The following CDH13 variants were observed in gnomAD, a reference collection of about 807,000 sequenced individuals.
The protein encoded by CDH13 is cadherin 13, also known as cadherin-13.
CDH13 carries 24 observed loss-of-function variants against 63.8 expected under a neutral mutation model. The observed-to-expected ratio is 0.38, with a 90% CI of 0.27 to 0.53. The LOEUF (loss-of-function observed/expected upper bound fraction) is 0.53, where lower values mean the gene tolerates loss of function less well. Among genes scored for constraint, CDH13 ranks in the 20% least tolerant of loss-of-function variants. The pLI is 0.85. For synonymous variants in CDH13, 503 were observed against 355.3 expected, an observed-to-expected ratio of 1.42 and a Z score of -4.67; for missense variants, 1,049 against 903.1, an observed-to-expected ratio of 1.16 and a Z score of -2.07.
intron 3 of CDH13, among the ~76,000 whole-genome samples, chr16:83,118,161 G>C: frequency 6.6e-6 from 1 of 152,248 alleles, no homozygotes; most frequent in East Asian, 1.9e-4. Context: ...CTGCTGTGGG[G>C]GGAATCCCAC....
At chr16:83,028,462 C>T (rs1413403856) in intron 2 of CDH13, among the ~76,000 whole-genome samples, 2 of 152,144 alleles carry the variant, frequency 1.3e-5, no homozygotes, top group Non-Finnish European at 2.9e-5. Flanking sequence ...GCGTGCAGTG[C>T]TCTTCAGGAC....
intron 3 of CDH13, among the ~76,000 whole-genome samples, chr16:83,056,062 C>G (rs72796222): frequency 0.04 from 6,143 of 152,136 alleles, 180 homozygotes; most frequent in Non-Finnish European, 0.059. Context: ...AGGCTTTTAA[C>G]AAAAGAGGAT....
chr16:83,454,684 C>A (rs926176535), intron 6 of CDH13, among the ~76,000 whole-genome samples: 1 of 150,224 alleles, frequency 6.7e-6, no homozygotes, highest in Non-Finnish European at 1.5e-5. Context: ...TTTTAAGAAA[C>A]CATATGTAGA....
At chr16:83,426,563 G>T (rs1294733783) in intron 6 of CDH13, among the ~76,000 whole-genome samples, 3 of 149,744 alleles carry the variant, frequency 2.0e-5, no homozygotes, top group African/African-American at 7.4e-5. Context: ...TTACCTTTTT[G>T]CCAGTTTTCC....
intron 11 of CDH13, among the ~76,000 whole-genome samples, chr16:83,779,366 C>T (rs1411941221): frequency 8.0e-6 from 1 of 125,704 alleles, no homozygotes; most frequent in African/African-American, 3.0e-5. Context: ...GAGATTGCGC[C>T]ATTGCACTCC....
At chr16:83,016,221 C>G (rs764867710) in intron 2 of CDH13, among the ~76,000 whole-genome samples, 2 of 152,150 alleles carry the variant, frequency 1.3e-5, no homozygotes, top group African/African-American at 2.4e-5. Context: ...CGTATGCACA[C>G]AAGAATTAAT....
In CDH13 at chr16:82,999,996, C is replaced by T. The variant is rs527754219; in HGVS notation, c.158-32014C>T. Among the ~76,000 whole-genome samples the T allele has an allele frequency of 1.9e-3, 291 of 152,146 alleles. 2 individuals carry two copies. Among genetic ancestry groups the T allele is most frequent in the Middle Eastern group, 0.017 (5 of 294 alleles). ...GGTAGAATTCAGAGATGCTGTTAAA[C>T]ATCTTGCAATGCTTAAGACATCCAT... On this transcript the variant is annotated intron_variant, in intron 2 of 13. Coordinates refer to ENST00000567109, the MANE Select transcript of CDH13 (RefSeq NM_001257.5).
At chr16:82,649,155 G>A (rs1193067806) in intron 1 of CDH13, among the ~76,000 whole-genome samples, 2 of 152,152 alleles carry the variant, frequency 1.3e-5, no homozygotes, top group South Asian at 4.1e-4. Context: ...AATCCTATAT[G>A]CTATGCTTTT....
At chr16:83,121,881 G>A (rs546598153) in intron 3 of CDH13, among the ~76,000 whole-genome samples, 15 of 151,882 alleles carry the variant, frequency 9.9e-5, no homozygotes, top group African/African-American at 3.6e-4. Flanking sequence ...CAAGAGAATG[G>A]CTATTTATAG....
intron 4 of CDH13, among the ~76,000 whole-genome samples, chr16:83,209,233 C>T (rs1305731029): frequency 1.3e-5 from 2 of 152,202 alleles, no homozygotes; most frequent in South Asian, 2.1e-4. Context: ...ACATCCTTCA[C>T]CTGGCAACTT....
chr16:82,700,439 C>G (rs2030844146), intron 1 of CDH13, among the ~76,000 whole-genome samples: 1 of 151,926 alleles, frequency 6.6e-6, no homozygotes, highest in Non-Finnish European at 1.5e-5. Context: ...GTATAATGTA[C>G]ATAAGTGGAC....
chr16:82,819,250 T>G, intron 1 of CDH13, among the ~76,000 whole-genome samples: 1 of 152,214 alleles, frequency 6.6e-6, no homozygotes, highest in East Asian at 1.9e-4. Context: ...ATAACATATT[T>G]TAGCCTGCTA....
chr16:83,521,229 C>T (rs565042463), intron 7 of CDH13, among the ~76,000 whole-genome samples: 1 of 152,098 alleles, frequency 6.6e-6, no homozygotes, highest in African/African-American at 2.4e-5. Context: ...TTTTCATCCT[C>T]TTAGGTTTCT....
intron 1 of CDH13, among the ~76,000 whole-genome samples, chr16:82,637,395 C>G (rs1908784570): frequency 6.7e-6 from 1 of 148,352 alleles, no homozygotes; most frequent in Non-Finnish European, 1.5e-5. Context: ...GGTACTTTAT[C>G]CTCAGAAGCT....
intron 5 of CDH13, among the ~76,000 whole-genome samples, chr16:83,256,258 C>G (rs1265214993): frequency 1.3e-5 from 2 of 152,072 alleles, no homozygotes; most frequent in Non-Finnish European, 2.9e-5. Context: ...GTCTGAAGCT[C>G]TTGAGCTCAA....
intron 5 of CDH13, among the ~76,000 whole-genome samples, chr16:83,274,119 C>G (rs1440940458): frequency 6.6e-6 from 1 of 152,190 alleles, no homozygotes; most frequent in Admixed American, 6.5e-5. Flanking sequence ...AGGCCGTCTC[C>G]TCCATCCCAA....
Position 83,387,189 on chromosome 16 carries a change from G to A in CDH13, c.781+42183G>A, listed in dbSNP as rs947195327. ...GAATAGTATATGTGAGAAGGAGGAGGAGGAGGCAAGGTACCCATTCTTATG... is the reference window on the plus strand; with the variant it reads ...GAATAGTATATGTGAGAAGGAGGAGAAGGAGGCAAGGTACCCATTCTTATG... On this transcript the variant is annotated intron_variant, in intron 6 of 13. Transcript: ENST00000567109. 8.5e-5 allele frequency among the ~76,000 whole-genome samples: 13 copies of A among 152,258 alleles called. 1 individual carries two copies. The East Asian group carries it at 1.4e-3, about 16-fold the overall frequency.
chr16:83,394,230 C>A (rs1342311683), intron 6 of CDH13, among the ~76,000 whole-genome samples: 3 of 151,700 alleles, frequency 2.0e-5, no homozygotes, highest in African/African-American at 4.8e-5. Context: ...GCACATGTAC[C>A]CCTGAACCTA....
At chr16:82,654,610 G>A (rs909074514) in intron 1 of CDH13, among the ~76,000 whole-genome samples, 1 of 152,108 alleles carries the variant, frequency 6.6e-6, no homozygotes, top group African/African-American at 2.4e-5. Flanking sequence ...CCATTTTCTG[G>A]ACAATTTAAT....
Sources: gnomAD v4.1 joint callset for allele counts (sites outside exome capture counted in the v4.1 genomes callset) on GRCh38, gnomAD v4.1.1 for gene constraint, MANE v1.5 for transcripts, NCBI Gene and HGNC (gene_info 2026-07-23, HGNC 2026-07-21) for gene names.